Variants in VCPKMT observed in about 807,000 individuals in gnomAD.
VCPKMT encodes protein N-lysine methyltransferase METTL21D.
Under a neutral mutation model 28.6 loss-of-function variants are expected in VCPKMT, and 32 were observed. The observed-to-expected ratio is 1.12, with a 90% CI of 0.84 to 1.50. The LOEUF is 1.50. Among genes scored for constraint, VCPKMT ranks in the 40% most tolerant of loss-of-function variants. The probability of loss-of-function intolerance (pLI) is 0.00; values close to 1 mark genes in which losing one functional copy is unlikely to be tolerated. For missense variants in VCPKMT, 366 were observed against 285.0 expected (o/e 1.28, Z -2.05); for synonymous variants, 138 against 111.4 (o/e 1.24, Z -1.50).
chr14:50,116,164 G>T lies in VCPKMT; in HGVS notation c.282C>A (p.Val94=). 6.2e-7 allele frequency: 1 copy of T among 1,614,036 alleles called. No individual in the cohort carries two copies. Among genetic ancestry groups the T allele is most frequent in the South Asian group, 1.1e-5 (1 of 91,052 alleles). ...AGTCTTGCAATTCCTCAAGATCGGT[G>T]ACTACAACATCAGCCCTATAAAATA... ...MAATLGADVV[V]TDLEELQDLL... is the part of the protein sequence containing the mutation. The change falls in exon 2 of 6, where the codon GTC becomes GTA. Residue 94 remains valine (V), a synonymous_variant. Transcript: ENST00000395860.
chr14:50,110,797 C>T (rs531236131), intron 5 of VCPKMT, among the ~76,000 whole-genome samples: 56 of 152,272 alleles, frequency 3.7e-4, no homozygotes, highest in Admixed American at 3.6e-3. Flanking sequence ...GTGGTACAGC[C>T]ACATAAAGGA....
At chr14:50,112,759 T>G in intron 4 of VCPKMT, 40 bp from the exon 5 acceptor site, 1 of 1,366,792 alleles carries the variant, frequency 7.3e-7, no homozygotes. Flanking sequence ...TTCAATAATA[T>G]GAACTGACCT....
chr14:50,108,388 A>C (rs571840070), downstream of VCPKMT, among the ~76,000 whole-genome samples: 94 of 152,308 alleles, frequency 6.2e-4, 2 homozygotes, highest in Non-Finnish European at 7.9e-4. Context: ...TACCTCACAA[A>C]GCACCACAGA....
At chr14:50,103,343 C>T in the VCPKMT span, among the ~76,000 whole-genome samples, 7 of 152,236 alleles carry the variant, frequency 4.6e-5, no homozygotes, top group African/African-American at 1.4e-4. Flanking sequence ...CTGCTACAAA[C>T]ATATTTTAAA....
intron 5 of VCPKMT, chr14:50,111,389 C>T: frequency 2.0e-6 from 2 of 985,426 alleles, no homozygotes; most frequent in Non-Finnish European, 2.4e-6. Flanking sequence ...TTAGTCCTAA[C>T]ACCTACTTCT....
At chr14:50,108,209 A>AAG (rs1555365813), downstream of VCPKMT, among the ~76,000 whole-genome samples, 1 of 151,438 alleles carries the variant, frequency 6.6e-6, no homozygotes, top group African/African-American at 2.4e-5. Flanking sequence ...AAAAAAAAAA[A>AAG]AGAGAAAGCA....
In VCPKMT at chr14:50,114,370, A is replaced by T; in HGVS notation, c.485T>A (p.Ile162Asn). Residue 162 changes from isoleucine (I) to asparagine (N), a missense_variant, in exon 4 of 6, where the codon ATC (isoleucine) becomes AAC (asparagine). By Grantham distance (149) the Ile-to-Asn change is moderately radical (BLOSUM62 -3). Coordinates refer to ENST00000395860, the MANE Select transcript of VCPKMT (RefSeq NM_024558.3). ...LEPLLKTLKD[I>N]SGFETCIICC... The stretch of plus-strand genomic sequence containing the variant: ...TATAATACAAGTTTCAAATCCGCTG[A>T]TATCTTTTAGAGTTTTCAGCAATGG... 1 of 1,582,686 alleles carries T rather than the reference A, an allele frequency of 6.3e-7. No individual in the cohort carries two copies. The highest frequency in any genetic ancestry group is 8.6e-7 in the Non-Finnish European group (1 of 1,167,392).
intron 5 of VCPKMT, 133 bp downstream of exon 5, chr14:50,112,482 C>T: frequency 2.4e-6 from 1 of 416,372 alleles, no homozygotes; most frequent in Non-Finnish European, 4.3e-6. Flanking sequence ...AATGAAGTTA[C>T]TGCCTGAGTC....
At chr14:50,115,737 C>G (rs1234038032) in intron 3 of VCPKMT, 102 bp downstream of exon 3, 2 of 1,370,370 alleles carry the variant, frequency 1.5e-6, no homozygotes, top group Non-Finnish European at 2.0e-6. Flanking sequence ...TAAGGCAAAT[C>G]CCGGATTCAA....
intron 4 of VCPKMT, among the ~76,000 whole-genome samples, chr14:50,113,975 T>C (rs1444761753): frequency 1.3e-5 from 2 of 152,168 alleles, no homozygotes; most frequent in African/African-American, 4.8e-5. Flanking sequence ...AGGTAATACA[T>C]ACATCATTGA....
At chr14:50,113,416 T>C (rs1391688999) in intron 4 of VCPKMT, 1 of 152,164 alleles carries the variant, frequency 6.6e-6, no homozygotes, top group East Asian at 1.9e-4. Flanking sequence ...AAGTAGTCCT[T>C]CCAGCAGACA....
rs370416525 is a variant in VCPKMT at position 50,114,241 on chromosome 14, T to G, written c.570+44A>C. On this transcript the variant is annotated intron_variant, in intron 4 of 5. Coordinates refer to ENST00000395860, the MANE Select transcript of VCPKMT (RefSeq NM_024558.3). The stretch of plus-strand genomic sequence containing the variant: ...CTTGAAGAGTCACATACAGCCCCCC[T>G]GAAGGGAAATCACTACAAAGATAAT... The G allele has an allele frequency of 8.3e-6, 12 of 1,450,388 alleles. No homozygotes were observed. The African/African-American group carries it at 1.7e-4, about 21-fold the overall frequency. 89.8% of individuals were successfully genotyped at this position (1,450,388 alleles called of 1,614,324 possible).
chr14:50,106,780 A>G (rs926000961), downstream of VCPKMT, among the ~76,000 whole-genome samples: 1 of 152,088 alleles, frequency 6.6e-6, no homozygotes, highest in Non-Finnish European at 1.5e-5. Flanking sequence ...CAGTGGTGCA[A>G]TCATGGCTCA....
In VCPKMT at chr14:50,109,558, A is replaced by G; in HGVS notation, c.*141T>C. 7.3e-7 allele frequency: 1 copy of G among 1,371,048 alleles called. No individual in the cohort carries two copies. Among genetic ancestry groups the G allele is most frequent in the Non-Finnish European group, 9.4e-7 (1 of 1,064,358 alleles). The allele number at this position is 1,371,048 out of a possible 1,614,324, so 84.9% of individuals were successfully genotyped here. A position where few individuals can be genotyped will look rare whatever the true frequency, so the allele number is the denominator to read the frequency against. ...GTATTGCAGACAGCCCCTGGTGGTC[A>G]TCATCTATACATCGGATCTCTAAGG... On this transcript the variant is annotated 3_prime_UTR_variant, in exon 6 of 6. Coordinates refer to ENST00000395860, the MANE Select transcript of VCPKMT (RefSeq NM_024558.3).
downstream of VCPKMT, among the ~76,000 whole-genome samples, chr14:50,105,633 A>G (rs972686830): frequency 1.3e-5 from 2 of 152,194 alleles, no homozygotes; most frequent in African/African-American, 4.8e-5. Context: ...TCCGTCTCGA[A>G]ACAAAACAAA....
intron 5 of VCPKMT, among the ~76,000 whole-genome samples, chr14:50,112,393 GAGAAAAAAAAAAAAAA>G (rs1183976444): frequency 6.2e-4 from 35 of 56,424 alleles, no homozygotes; most frequent in African/African-American, 1.7e-3. Flanking sequence ...TAAAAAATAC[GAGAAAAAAAAAAAAAA>G]AAAAAAAAAA....
Position 50,116,559 on chromosome 14 carries a change from CG to C in VCPKMT, c.-8del. 1 of 1,598,948 alleles carries C rather than the reference CG, an allele frequency of 6.3e-7. No homozygotes were observed. Among genetic ancestry groups the C allele is most frequent in the Non-Finnish European group, 8.5e-7 (1 of 1,170,854 alleles). On this transcript the variant is annotated 5_prime_UTR_variant, in exon 1 of 6. Transcript: ENST00000395860. ...ACTCCAGCGTATCCGCCATTGCGCCCGGCAACAGAAAGCGGCGCGCGCAGGG... is the reference window on the plus strand; with the variant it reads ...ACTCCAGCGTATCCGCCATTGCGCCCGCAACAGAAAGCGGCGCGCGCAGGG...
chr14:50,108,720 T>C lies in VCPKMT; in HGVS notation c.*979A>G. 1.0e-6 allele frequency: 1 copy of C among 985,910 alleles called. No homozygotes were observed. The highest frequency in any genetic ancestry group is 1.2e-6 in the Non-Finnish European group (1 of 829,936). The allele number at this position is 985,910 out of a possible 1,614,324, so 61.1% of individuals were successfully genotyped here. A position where few individuals can be genotyped will look rare whatever the true frequency, so the allele number is the denominator to read the frequency against. ...AAATACCAGAATTCCATCCGGTTAC[T>C]ACTCTTTGGAACAAGTATGATTAAA... On this transcript the variant is annotated 3_prime_UTR_variant, in exon 6 of 6. Coordinates refer to ENST00000395860, the MANE Select transcript of VCPKMT (RefSeq NM_024558.3).
intron 5 of VCPKMT, chr14:50,111,171 T>TC: frequency 3.3e-6 from 3 of 907,086 alleles, no homozygotes; most frequent in Non-Finnish European, 3.8e-6. Flanking sequence ...ATAAGAGTTT[T>TC]TTTTTTTGGC....
Sources: allele counts gnomAD v4.1 joint callset (sites outside exome capture counted in the v4.1 genomes callset), GRCh38; gene constraint gnomAD v4.1.1; transcripts MANE v1.5; gene names NCBI Gene and HGNC (gene_info 2026-07-23, HGNC 2026-07-21).